THSD7B: variants seen among roughly 807,000 people sequenced by gnomAD.
THSD7B encodes thrombospondin type-1 domain-containing protein 7B.
THSD7B carries 138 observed loss-of-function variants against 213.6 expected under a neutral mutation model. The ratio of observed to expected loss-of-function variants is 0.65; its 90% CI spans 0.56 to 0.74. The LOEUF (loss-of-function observed/expected upper bound fraction) is 0.74, where lower values mean the gene tolerates loss of function less well. Ranked by LOEUF, THSD7B falls within the 30% of genes least tolerant of loss-of-function variation. The pLI is 0.00. For missense variants in THSD7B, 1,931 were observed against 1,991.5 expected, an observed-to-expected ratio of 0.97 and a Z score of 0.58; for synonymous variants, 742 against 687.0, an observed-to-expected ratio of 1.08 and a Z score of -1.25.
intron 2 of THSD7B, among the ~76,000 whole-genome samples, chr2:137,026,312 C>T (rs1488907000): frequency 1.3e-5 from 2 of 152,186 alleles, no homozygotes; most frequent in African/African-American, 4.8e-5. Flanking sequence ...TCTTCTACAT[C>T]GTTCCCTATA....
At chr2:137,074,857 C>T (rs1001141648) in intron 3 of THSD7B, among the ~76,000 whole-genome samples, 1 of 152,090 alleles carries the variant, frequency 6.6e-6, no homozygotes, top group Non-Finnish European at 1.5e-5. Context: ...CTTGGTTTGG[C>T]TGGATATGAA....
chr2:136,932,411 G>T (rs1041457856), intron 2 of THSD7B, among the ~76,000 whole-genome samples: 6 of 152,162 alleles, frequency 3.9e-5, no homozygotes, highest in African/African-American at 1.4e-4. Flanking sequence ...ACACTGTGGG[G>T]GTTTGGGGCA....
intron 2 of THSD7B, among the ~76,000 whole-genome samples, chr2:137,048,723 A>C (rs1687011939): frequency 6.6e-6 from 1 of 152,228 alleles, no homozygotes; most frequent in East Asian, 1.9e-4. Context: ...CTCCTTTATC[A>C]AGTTCAGCAT....
At chr2:137,087,829 A>G (rs1687868546) in intron 3 of THSD7B, among the ~76,000 whole-genome samples, 1 of 152,190 alleles carries the variant, frequency 6.6e-6, no homozygotes, top group Non-Finnish European at 1.5e-5. Flanking sequence ...ACCAAAAGAG[A>G]GCCTGCATAG....
intron 12 of THSD7B, among the ~76,000 whole-genome samples, chr2:137,317,043 C>T (rs1023913060): frequency 6.6e-6 from 1 of 152,136 alleles, no homozygotes; most frequent in Non-Finnish European, 1.5e-5. Flanking sequence ...CTTTTGTAAA[C>T]ATAATTCTTA....
chr2:137,431,663 G>T (rs995091371), intron 14 of THSD7B, among the ~76,000 whole-genome samples: 1 of 152,080 alleles, frequency 6.6e-6, no homozygotes, highest in East Asian at 1.9e-4. Flanking sequence ...TATCTGATGA[G>T]AATTTATGGT....
At chr2:137,448,906 A>G (rs1687595818) in intron 14 of THSD7B, among the ~76,000 whole-genome samples, 1 of 152,130 alleles carries the variant, frequency 6.6e-6, no homozygotes, top group South Asian at 2.1e-4. Context: ...TGTCCTGGGG[A>G]ATGGACTTAG....
At chr2:137,311,031 A>G (rs899955963) in intron 12 of THSD7B, among the ~76,000 whole-genome samples, 1 of 150,620 alleles carries the variant, frequency 6.6e-6, no homozygotes, top group African/African-American at 2.4e-5. Context: ...TTTTTTTCCA[A>G]TTCTGTGAAG....
intron 1 of THSD7B, among the ~76,000 whole-genome samples, chr2:136,796,244 G>T (rs944654321): frequency 2.0e-5 from 3 of 151,936 alleles, no homozygotes; most frequent in African/African-American, 4.8e-5. Flanking sequence ...AGGGAGAAAA[G>T]TTAAAGAAAC....
intron 15 of THSD7B, among the ~76,000 whole-genome samples, chr2:137,527,127 T>C (rs376368709): frequency 3.3e-5 from 5 of 152,172 alleles, no homozygotes; most frequent in Admixed American, 1.3e-4. Context: ...TGTGGCTATA[T>C]GTGCACACAA....
At chr2:137,501,378 G>A (rs577048463) in intron 15 of THSD7B, among the ~76,000 whole-genome samples, 13 of 151,622 alleles carry the variant, frequency 8.6e-5, no homozygotes, top group South Asian at 4.2e-4. Context: ...GAATTAATCC[G>A]TAATATTAGA....
rs531665522 is a variant in THSD7B at position 137,290,476 on chromosome 2, TC to T, written c.2500+14453del. ...TTACTCTGTCTCTCTACTGCTCAGA[TC>T]CCAAGTCGCTGAGCCCCGCTTCTCT... is the stretch of plus-strand genomic sequence containing the variant. On this transcript the variant is annotated intron_variant, in intron 12 of 27. Transcript: ENST00000409968. Among the ~76,000 whole-genome samples, 9 of 152,222 alleles carry T rather than the reference TC, an allele frequency of 5.9e-5. 1 individual carries two copies. The South Asian group carries it at 1.9e-3, about 32-fold the overall frequency.
At chr2:137,635,371 A>T (rs1467739235) in intron 20 of THSD7B, among the ~76,000 whole-genome samples, 1 of 152,196 alleles carries the variant, frequency 6.6e-6, no homozygotes, top group Non-Finnish European at 1.5e-5. Context: ...AAGCAAGACA[A>T]GTCTAGAGAG....
At chr2:136,776,049 A>C (rs1681597004) in intron 1 of THSD7B, among the ~76,000 whole-genome samples, 1 of 152,160 alleles carries the variant, frequency 6.6e-6, no homozygotes, top group Non-Finnish European at 1.5e-5. Context: ...CAAGGTGCAC[A>C]ATGATATCCA....
At chr2:137,416,514 T>C (rs1686803197) in intron 14 of THSD7B, among the ~76,000 whole-genome samples, 1 of 151,914 alleles carries the variant, frequency 6.6e-6, no homozygotes, top group Non-Finnish European at 1.5e-5. Context: ...TCTTACTAAA[T>C]TGAGAGTTCA....
chr2:137,500,981 T>G (rs1679690096), intron 15 of THSD7B, among the ~76,000 whole-genome samples: 1 of 152,126 alleles, frequency 6.6e-6, no homozygotes, highest in Non-Finnish European at 1.5e-5. Flanking sequence ...GGAACAAAGA[T>G]TTATAGTTTT....
At chr2:136,833,335 G>A (rs963029757) in intron 1 of THSD7B, among the ~76,000 whole-genome samples, 1 of 120,332 alleles carries the variant, frequency 8.3e-6, no homozygotes, top group Admixed American at 1.1e-4. Context: ...CTGCAGTCTG[G>A]CCTCGGCGAA....
intron 2 of THSD7B, among the ~76,000 whole-genome samples, chr2:136,965,441 ATTTG>A (rs1442754819): frequency 2.0e-5 from 3 of 152,222 alleles, no homozygotes; most frequent in African/African-American, 7.2e-5. Context: ...AGAAAATGGC[ATTTG>A]AGCCAAGACC....
At chr2:136,767,824 G>T (rs1681433656) in intron 1 of THSD7B, among the ~76,000 whole-genome samples, 1 of 151,988 alleles carries the variant, frequency 6.6e-6, no homozygotes, top group African/African-American at 2.4e-5. Flanking sequence ...CTGTTTTGAG[G>T]GTTCATAATA....
Sources: allele counts gnomAD v4.1 joint callset (sites outside exome capture counted in the v4.1 genomes callset), GRCh38; gene constraint gnomAD v4.1.1; transcripts MANE v1.5; gene names NCBI Gene and HGNC (gene_info 2026-07-23, HGNC 2026-07-21).